The following CHD6 variants were observed in gnomAD, a reference collection of about 807,000 sequenced individuals.
The protein encoded by CHD6 is ATP-dependent chromatin remodeler CHD6.
CHD6 carries 50 observed loss-of-function variants against 276.9 expected under a neutral mutation model. The ratio of observed to expected loss-of-function variants is 0.18; its 90% confidence interval spans 0.14 to 0.23. The LOEUF is 0.23. Ranked by LOEUF, CHD6 falls within the 10% of genes least tolerant of loss-of-function variation. The probability of loss-of-function intolerance (pLI) is 1.00; values close to 1 mark genes in which losing one functional copy is unlikely to be tolerated. For synonymous variants in CHD6, 1,173 were observed against 1,229.3 expected (o/e 0.95, Z 0.96); for missense variants, 2,564 against 3,365.8 (o/e 0.76, Z 5.89).
intron 4 of CHD6, 66 bp downstream of exon 4, chr20:41,514,739 A>G (rs2044209795): frequency 2.6e-6 from 4 of 1,556,744 alleles, no homozygotes; most frequent in African/African-American, 1.4e-5. Context: ...GAGCAACACG[A>G]TCAGTGTCAG....
chr20:41,601,000 A>C (rs185038232), intron 1 of CHD6, among the ~76,000 whole-genome samples: 84 of 152,292 alleles, frequency 5.5e-4, no homozygotes, highest in Non-Finnish European at 7.8e-4. Context: ...TCACATCAAA[A>C]ATCTAGACAC....
chr20:41,533,216 G>T lies in CHD6; in HGVS notation c.388C>A (p.Pro130Thr), dbSNP rs1449662969. The change falls in exon 3 of 37, where the codon CCC (proline) becomes ACC (threonine). Residue 130 changes from proline (P) to threonine (T), a missense_variant. Physicochemically the swap from Pro to Thr is conservative, Grantham distance 38. This residue lies in a region of CHD6 where 286 missense variants were observed against 297.8 expected (regional missense o/e 0.96). Coordinates refer to ENST00000373233, the MANE Select transcript of CHD6 (RefSeq NM_032221.5). ...TTCTTCGGCTCCTTGGCCTTTCTGG[G>T]TTCCTTTGGCTCTTTCGGTTCTCGT... ...RKREPKEPKE[P>T]RKAKEPKKAK... 1 of 1,613,692 alleles carries T rather than the reference G, an allele frequency of 6.2e-7. No individual in the cohort carries two copies. The highest frequency in any genetic ancestry group is 2.2e-5 in the East Asian group (1 of 44,884).
At chr20:41,548,579 C>A (rs2045089052) in intron 2 of CHD6, among the ~76,000 whole-genome samples, 1 of 152,172 alleles carries the variant, frequency 6.6e-6, no homozygotes, top group African/African-American at 2.4e-5. Flanking sequence ...AGGACATAGG[C>A]ATAGGCAAGG....
intron 5 of CHD6, among the ~76,000 whole-genome samples, chr20:41,501,988 GTTCT>G (rs775427062): frequency 5.3e-5 from 8 of 151,780 alleles, no homozygotes; most frequent in African/African-American, 9.7e-5. Flanking sequence ...TTTATAAATT[GTTCT>G]TTCTAATTTA....
intron 12 of CHD6, 47 bp from the exon 13 acceptor site, chr20:41,488,651 A>C (rs1181798087): frequency 2.6e-6 from 4 of 1,548,150 alleles, no homozygotes; most frequent in Non-Finnish European, 3.5e-6. Flanking sequence ...ATGGCTATAG[A>C]ATTCTGCTAA....
At chr20:41,440,195 A>C in intron 25 of CHD6, 66 bp from the exon 26 acceptor site, 1 of 1,450,342 alleles carries the variant, frequency 6.9e-7, no homozygotes. Flanking sequence ...TTTGGGCACT[A>C]GTCTTTTTGT....
At position 41,493,845 on chromosome 20, in the gene CHD6, G is replaced by A; in HGVS notation, c.1179+13C>T. On this transcript the variant is annotated intron_variant, in intron 9 of 36. Coordinates refer to ENST00000373233, the MANE Select transcript of CHD6 (RefSeq NM_032221.5). ...AAAGAAGGGAAGATGCTTCAGGAGA[G>A]GCAAATACCCACCTCCCCTGTTTCT... The A allele has an allele frequency of 6.2e-7, 1 of 1,609,146 alleles. No individual in the cohort carries two copies. The highest frequency in any genetic ancestry group is 8.5e-7 in the Non-Finnish European group (1 of 1,175,670).
intron 1 of CHD6, among the ~76,000 whole-genome samples, chr20:41,603,113 G>C (rs565356911): frequency 6.6e-6 from 1 of 152,274 alleles, no homozygotes; most frequent in Non-Finnish European, 1.5e-5. Flanking sequence ...AGCACTTTGA[G>C]AGGCCAAGGT....
chr20:41,441,891 A>G (rs2047913313), intron 25 of CHD6, among the ~76,000 whole-genome samples: 1 of 152,204 alleles, frequency 6.6e-6, no homozygotes, highest in Non-Finnish European at 1.5e-5. Flanking sequence ...AAGAATATCA[A>G]CAGAAATACT....
chr20:41,557,149 C>T (rs902885332), intron 1 of CHD6, among the ~76,000 whole-genome samples: 2 of 152,156 alleles, frequency 1.3e-5, no homozygotes, highest in Non-Finnish European at 2.9e-5. Flanking sequence ...TTGTCAACAG[C>T]GGAAAATATC....
intron 1 of CHD6, among the ~76,000 whole-genome samples, chr20:41,604,098 T>C (rs1224150532): frequency 1.3e-5 from 2 of 152,110 alleles, no homozygotes; most frequent in African/African-American, 2.4e-5. Context: ...AGGCCCCTGG[T>C]TGAATATCAT....
intron 20 of CHD6, among the ~76,000 whole-genome samples, chr20:41,453,259 C>T (rs1364677507): frequency 6.6e-6 from 1 of 152,166 alleles, no homozygotes; most frequent in African/African-American, 2.4e-5. Flanking sequence ...TCGGCTCTAG[C>T]CAAGAAAGAC....
At chr20:41,573,291 T>C (rs2045438870) in intron 1 of CHD6, among the ~76,000 whole-genome samples, 1 of 152,226 alleles carries the variant, frequency 6.6e-6, no homozygotes, top group Non-Finnish European at 1.5e-5. Context: ...TTTGAGGCAG[T>C]GTCATACTCG....
chr20:41,589,152 C>G (rs573178148), intron 1 of CHD6, among the ~76,000 whole-genome samples: 1 of 152,100 alleles, frequency 6.6e-6, no homozygotes, highest in Non-Finnish European at 1.5e-5. Context: ...AAAAGGTCTT[C>G]GACAAAATTC....
rs537743964 is a variant in CHD6, at chr20:41,557,773, G to C, written c.-23-6413C>G. 1.6e-4 allele frequency among the ~76,000 whole-genome samples: 24 copies of C among 152,206 alleles called. No individual in the cohort carries two copies. The South Asian group carries it at 3.9e-3, about 25-fold the overall frequency. On this transcript the variant is annotated intron_variant, in intron 1 of 36. Coordinates refer to ENST00000373233, the MANE Select transcript of CHD6 (RefSeq NM_032221.5). ...CGATGGAGAATTCTGCTGTTAACAGGCCCCTATCCCCCACCACTCTATCAG... is the reference window on the plus strand; with the variant it reads ...CGATGGAGAATTCTGCTGTTAACAGCCCCCTATCCCCCACCACTCTATCAG...
chr20:41,446,824 G>C (rs1300240683), intron 24 of CHD6, among the ~76,000 whole-genome samples: 1 of 152,198 alleles, frequency 6.6e-6, no homozygotes, highest in Non-Finnish European at 1.5e-5. Context: ...GAGGAACGCA[G>C]AGGAAGGAAG....
At chr20:41,448,228 G>A (rs1333560296) in intron 23 of CHD6, among the ~76,000 whole-genome samples, 1 of 152,168 alleles carries the variant, frequency 6.6e-6, no homozygotes, top group African/African-American at 2.4e-5. Context: ...GGAACAGACA[G>A]CTCTTCTCAT....
chr20:41,425,492 T>G (rs937703926), intron 28 of CHD6, 98 bp from the exon 29 acceptor site: 1 of 1,203,058 alleles, frequency 8.3e-7, no homozygotes, highest in African/African-American at 1.5e-5. Context: ...GCTGACTCAA[T>G]AATTTACTCA....
chr20:41,403,255 G>A lies in CHD6; in HGVS notation c.*1338C>T, dbSNP rs2046579575. 9.4e-7 allele frequency: 1 copy of A among 1,061,926 alleles called. No individual in the cohort carries two copies. The highest frequency in any genetic ancestry group is 5.1e-5 in the East Asian group (1 of 19,650). 65.8% of individuals were successfully genotyped at this position (1,061,926 alleles called of 1,614,324 possible). A position where few individuals can be genotyped will look rare whatever the true frequency, so the allele number is the denominator to read the frequency against. On this transcript the variant is annotated 3_prime_UTR_variant, in exon 37 of 37. Transcript: ENST00000373233. ...GCAACATTTCCAAGGGTCCTGCGCA[G>A]CCCTGCGCCCCCAGAGTACTGAACC...
Sources: gnomAD v4.1 joint callset for allele counts (sites outside exome capture counted in the v4.1 genomes callset) on GRCh38, gnomAD v4.1.1 for gene constraint, gnomAD v4.1.1 regional missense constraint, MANE v1.5 for transcripts, NCBI Gene and HGNC (gene_info 2026-07-23, HGNC 2026-07-21) for gene names.